The following GRAMD2A variants were observed in gnomAD, a reference collection of about 807,000 sequenced individuals.
GRAMD2A encodes the protein GRAM domain-containing protein 2A.
Under a neutral mutation model 51.1 loss-of-function variants are expected in GRAMD2A, and 37 were observed. The ratio of observed to expected loss-of-function variants is 0.72; its 90% CI spans 0.56 to 0.95. The LOEUF (loss-of-function observed/expected upper bound fraction) is 0.95. Ranked by LOEUF, GRAMD2A falls within the 40% of genes least tolerant of loss-of-function variation. The pLI is 0.00. For synonymous variants in GRAMD2A, 136 were observed against 157.1 expected, an observed-to-expected ratio of 0.87 and a Z score of 1.01; for missense variants, 414 against 426.9, an observed-to-expected ratio of 0.97 and a Z score of 0.27.
intron 1 of GRAMD2A, among the ~76,000 whole-genome samples, chr15:72,188,109 C>A (rs1019929965): frequency 1.2e-4 from 19 of 152,130 alleles, no homozygotes; most frequent in Admixed American, 1.2e-3. Flanking sequence ...GAGGCCAAAG[C>A]AGGCAGATCA....
At chr15:72,163,509 C>A in intron 9 of GRAMD2A, 33 bp from the exon 10 acceptor site, 1 of 1,606,134 alleles carries the variant, frequency 6.2e-7, no homozygotes, top group African/African-American at 1.3e-5. Flanking sequence ...AAAATCAGCT[C>A]TCAGAAGCCC....
rs368452011 is a variant in GRAMD2A, at chr15:72,176,737, T to A, written c.42-6798A>T. ...GGCTGCTCCAGATCCCCCGACAAGG[T>A]CTCTTCACTCCACCTGCACTTCTCA... On this transcript the variant is annotated intron_variant, in intron 1 of 11. Coordinates refer to ENST00000309731, the MANE Select transcript of GRAMD2A (RefSeq NM_001012642.3). Among the ~76,000 whole-genome samples the A allele has an allele frequency of 2.6e-5, 4 of 151,896 alleles. No individual in the cohort carries two copies. In the East Asian group the frequency reaches 7.7e-4, roughly 29 times the overall value.
chr15:72,176,365 T>G (rs2081652839), intron 1 of GRAMD2A, among the ~76,000 whole-genome samples: 1 of 152,136 alleles, frequency 6.6e-6, no homozygotes, highest in Non-Finnish European at 1.5e-5. Flanking sequence ...GGTGGGGTGG[T>G]CCCCTTGGGC....
At chr15:72,168,116 C>T (rs2081568822) in intron 4 of GRAMD2A, among the ~76,000 whole-genome samples, 1 of 152,190 alleles carries the variant, frequency 6.6e-6, no homozygotes, top group Non-Finnish European at 1.5e-5. Flanking sequence ...CCCTGATCTC[C>T]AAGCCTGCAT....
chr15:72,165,554 G>A (rs1398759386), intron 7 of GRAMD2A, 144 bp from the exon 8 acceptor site: 1 of 735,702 alleles, frequency 1.4e-6, no homozygotes, highest in East Asian at 2.7e-5. Flanking sequence ...AGGGTCTATA[G>A]GGGGCCCCCT....
At chr15:72,162,063 G>A (rs758003402) in intron 11 of GRAMD2A, 51 bp from the exon 12 acceptor site, 25 of 1,611,668 alleles carry the variant, frequency 1.6e-5, no homozygotes, top group South Asian at 3.3e-5. Flanking sequence ...GAATGCAGAC[G>A]GACGTGGGCA....
At chr15:72,178,758 T>A (rs893074253) in intron 1 of GRAMD2A, among the ~76,000 whole-genome samples, 5 of 151,756 alleles carry the variant, frequency 3.3e-5, no homozygotes, top group African/African-American at 1.2e-4. Context: ...GTATTTTTAG[T>A]AGAGAAGGGG....
chr15:72,166,727 C>T lies in GRAMD2A; in HGVS notation c.472-24G>A, dbSNP rs1456238552. 1.3e-6 allele frequency: 2 copies of T among 1,598,518 alleles called. No individual in the cohort carries two copies. The highest frequency in any genetic ancestry group is 1.1e-5 in the South Asian group (1 of 90,774). On this transcript the variant is annotated intron_variant, in intron 6 of 11. Transcript: ENST00000309731. The surrounding 1 kb of genome is among the most constrained non-coding windows in gnomAD (Gnocchi z 4.1). The stretch of plus-strand genomic sequence containing the variant: ...TACTGGGACATGGAAAGAAAACAGA[C>T]AGGGGTAGGGTGAGATGAGACTCCT...
chr15:72,170,400 T>C lies in GRAMD2A; in HGVS notation c.42-461A>G, dbSNP rs1456033770. 4.4e-6 allele frequency: 2 copies of C among 456,152 alleles called. No homozygotes were observed. The highest frequency in any genetic ancestry group is 8.8e-6 in the Non-Finnish European group (2 of 227,014). 28.3% of individuals were successfully genotyped at this position (456,152 alleles called of 1,614,324 possible). ...AGTAGGCTGAGCACAGGAGGCCTTA[T>C]CAAAGCTCAGGAGCTGATGCGCTGA... On this transcript the variant is annotated intron_variant, in intron 1 of 11. Transcript: ENST00000309731. The surrounding 1 kb of genome is among the most constrained non-coding windows in gnomAD (Gnocchi z 4.5).
chr15:72,164,388 G>C (rs1481186714), intron 8 of GRAMD2A, among the ~76,000 whole-genome samples: 1 of 149,846 alleles, frequency 6.7e-6, no homozygotes, highest in Non-Finnish European at 1.5e-5. Context: ...AGTCTTTGGA[G>C]TTCTTCCCTA....
At chr15:72,197,612 C>G (rs986510954) in intron 1 of GRAMD2A, 119 bp downstream of exon 1, 2 of 795,164 alleles carry the variant, frequency 2.5e-6, no homozygotes, top group Non-Finnish European at 1.6e-6. Flanking sequence ...GTGCCTGCCC[C>G]GTGGGCAGAA....
Position 72,169,850 on chromosome 15 carries a change from T to C in GRAMD2A, c.131A>G (p.Tyr44Cys). The C allele has an allele frequency of 6.2e-7, 1 of 1,612,020 alleles. No homozygotes were observed. The highest frequency in any genetic ancestry group is 8.5e-7 in the Non-Finnish European group (1 of 1,178,066). ...KPDRVEEPPD[Y>C]SLHWPEGLKG... ...TGACTGGGAAAGGGGTCCTCACCTG[T>C]AGTCCGGGGGCTCCTCAACTCTGTC... Residue 44 changes from tyrosine (Y) to cysteine (C), a missense_variant, in exon 2 of 12, where the codon TAC becomes TGC. Transcript: ENST00000309731.
At chr15:72,185,718 T>TA in intron 1 of GRAMD2A, among the ~76,000 whole-genome samples, 1 of 152,286 alleles carries the variant, frequency 6.6e-6, no homozygotes, top group South Asian at 2.1e-4. Flanking sequence ...CAATGGAGCA[T>TA]AAGACAGTCC....
At chr15:72,175,969 T>A (rs1015651225) in intron 1 of GRAMD2A, 3 of 152,532 alleles carry the variant, frequency 2.0e-5, no homozygotes, top group African/African-American at 4.8e-5. Context: ...GGACAGGAGC[T>A]GATGGGGTCC....
At chr15:72,193,728 C>G (rs940385329) in intron 1 of GRAMD2A, among the ~76,000 whole-genome samples, 2 of 151,092 alleles carry the variant, frequency 1.3e-5, no homozygotes, top group Non-Finnish European at 2.9e-5. Context: ...GGGTTTCGCC[C>G]TGTTAGCCAG....
chr15:72,180,905 C>T (rs1281894361), intron 1 of GRAMD2A, among the ~76,000 whole-genome samples: 1 of 152,182 alleles, frequency 6.6e-6, no homozygotes, highest in Middle Eastern at 3.2e-3. Flanking sequence ...GGCCACTGGC[C>T]CTCTGAGGTC....
Position 72,163,551 on chromosome 15 carries a change from TG to T in GRAMD2A, c.745+61del. 1.9e-6 allele frequency: 3 copies of T among 1,593,672 alleles called. No individual in the cohort carries two copies. In the Admixed American group the frequency reaches 5.4e-5, roughly 29 times the overall value. ...CTGTGGTGAGCCCTTTTTATGGAAC[TG>T]GGAAGACAGAAAGTCTGGCCTTTGC... On this transcript the variant is annotated intron_variant, in intron 9 of 11. Transcript: ENST00000309731.
chr15:72,179,362 C>G (rs1596692745), intron 1 of GRAMD2A, among the ~76,000 whole-genome samples: 1 of 152,330 alleles, frequency 6.6e-6, no homozygotes, highest in East Asian at 1.9e-4. Context: ...GGAATCCTAA[C>G]TGGGAAATCC....
chr15:72,174,864 G>A (rs2081640966), intron 1 of GRAMD2A, among the ~76,000 whole-genome samples: 1 of 152,044 alleles, frequency 6.6e-6, no homozygotes, highest in South Asian at 2.1e-4. Flanking sequence ...CAGATACACA[G>A]GAGTCTAGGG....
Sources: gnomAD v4.1 joint callset for allele counts (sites outside exome capture counted in the v4.1 genomes callset) on GRCh38, gnomAD v4.1.1 for gene constraint, Gnocchi (gnomAD v3.1) non-coding constraint, MANE v1.5 for transcripts, NCBI Gene and HGNC (gene_info 2026-07-23, HGNC 2026-07-21) for gene names.